Variants in PAPPA2 observed in about 807,000 individuals in gnomAD.
The protein encoded by PAPPA2 is pappalysin 2.
Under a neutral mutation model 176.4 loss-of-function variants are expected in PAPPA2, and 86 were observed. The observed-to-expected ratio is 0.49, with a 90% CI of 0.41 to 0.58. PAPPA2 has a LOEUF of 0.58. Among genes scored for constraint, PAPPA2 ranks in the 20% least tolerant of loss-of-function variants. PAPPA2 has a pLI of 0.00. For missense variants in PAPPA2, 2,073 were observed against 2,256.9 expected (o/e 0.92, Z 1.65); for synonymous variants, 809 against 852.2 (o/e 0.95, Z 0.88).
At position 176,690,400 on chromosome 1, in the gene PAPPA2, G is replaced by C. The variant is rs748663504; in HGVS notation, c.2401G>C (p.Ala801Pro). 1 of 1,614,112 alleles carries C rather than the reference G, an allele frequency of 6.2e-7. No homozygotes were observed. Among genetic ancestry groups the C allele is most frequent in the South Asian group, 1.1e-5 (1 of 91,080 alleles). Residue 801 changes from alanine to proline, a missense_variant, in exon 5 of 23, where the codon GCT becomes CCT. Ala to Pro is a conservative substitution (Grantham distance 27). This residue lies in a region of PAPPA2 where 1,196 missense variants were observed against 1,330.4 expected (regional missense o/e 0.90). Coordinates refer to ENST00000367662, the MANE Select transcript of PAPPA2 (RefSeq NM_020318.3). Reference sequence around the variant, plus strand: ...CTGTGGCTTCACTCGCTTCCCAGGGGCTCCGTTCACCAACTACATGAGCTA... The same window carrying C: ...CTGTGGCTTCACTCGCTTCCCAGGGCCTCCGTTCACCAACTACATGAGCTA... ...DTCGFTRFPG[A>P]PFTNYMSYTD...
Position 176,523,799 on chromosome 1 carries a change from G to C in PAPPA2, c.-916-31608G>C, listed in dbSNP as rs1362652741. 2.0e-5 allele frequency among the ~76,000 whole-genome samples: 3 copies of C among 152,300 alleles called. No homozygotes were observed. In the East Asian group the frequency reaches 5.8e-4, roughly 29 times the overall value. Reference sequence around the variant, plus strand: ...GCAAAGTTGATGCCCCTGTGGAAATGGGAGCTGTAACTGAATCAGAGACAT... The same window carrying C: ...GCAAAGTTGATGCCCCTGTGGAAATCGGAGCTGTAACTGAATCAGAGACAT... On this transcript the variant is annotated intron_variant, in intron 1 of 22. Coordinates refer to ENST00000367662, the MANE Select transcript of PAPPA2 (RefSeq NM_020318.3).
At position 176,556,141 on chromosome 1, in the gene PAPPA2, G is replaced by A; in HGVS notation, c.-182G>A. The A allele has an allele frequency of 2.9e-6, 2 of 689,192 alleles. No homozygotes were observed. Among genetic ancestry groups the A allele is most frequent in the Non-Finnish European group, 2.4e-6 (1 of 415,642 alleles). The allele number at this position is 689,192 out of a possible 1,614,324, so 42.7% of individuals were successfully genotyped here. A position where few individuals can be genotyped will look rare whatever the true frequency, so the allele number is the denominator to read the frequency against. On this transcript the variant is annotated 5_prime_UTR_variant, in exon 2 of 23. Coordinates refer to ENST00000367662, the MANE Select transcript of PAPPA2 (RefSeq NM_020318.3). ...GGCATAGAAGCCACACTGGCAGAGC[G>A]GCCAGCACAGGTAGCCAGCAGAGGC...
At chr1:176,479,536 GA>G (rs761753170) in intron 1 of PAPPA2, among the ~76,000 whole-genome samples, 20 of 152,188 alleles carry the variant, frequency 1.3e-4, no homozygotes, top group Admixed American at 7.9e-4. Flanking sequence ...GTTTAGGGAG[GA>G]GACAGTGTGA....
At chr1:176,827,193 C>A (rs1428447460) in intron 21 of PAPPA2, among the ~76,000 whole-genome samples, 1 of 152,186 alleles carries the variant, frequency 6.6e-6, no homozygotes, top group Non-Finnish European at 1.5e-5. Flanking sequence ...TTGGTCCTGG[C>A]CCTTCCAGTT....
At chr1:176,631,986 G>A (rs924683328) in intron 3 of PAPPA2, among the ~76,000 whole-genome samples, 1 of 152,076 alleles carries the variant, frequency 6.6e-6, no homozygotes. Flanking sequence ...AGAGGATGAT[G>A]GAGATGTTTG....
At chr1:176,666,287 T>A (rs1430986133) in intron 3 of PAPPA2, among the ~76,000 whole-genome samples, 3 of 152,026 alleles carry the variant, frequency 2.0e-5, no homozygotes, top group African/African-American at 4.8e-5. Context: ...AATGATTTTT[T>A]AAAAAAATTT....
intron 3 of PAPPA2, among the ~76,000 whole-genome samples, chr1:176,619,923 T>C (rs1655489332): frequency 1.3e-5 from 2 of 152,210 alleles, no homozygotes; most frequent in African/African-American, 2.4e-5. Flanking sequence ...GAAGGGAGTA[T>C]GGTGTATTGA....
chr1:176,827,431 A>C (rs1224711475), intron 21 of PAPPA2, among the ~76,000 whole-genome samples: 2 of 152,186 alleles, frequency 1.3e-5, no homozygotes, highest in African/African-American at 4.8e-5. Flanking sequence ...ATGTCAGCTT[A>C]TATTTGGCCT....
rs371719651 is a variant in PAPPA2, at chr1:176,473,167, A to G, written c.-917+9749A>G. Among the ~76,000 whole-genome samples, 17 of 152,248 alleles carry G rather than the reference A, an allele frequency of 1.1e-4. No individual in the cohort carries two copies. In the East Asian group the frequency reaches 2.3e-3, roughly 21 times the overall value. ...AATTTCACTGCCTTAAAAATTCTCTATGCTCCACCTATTCATCCTTCCCTC... is the reference window on the plus strand; with the variant it reads ...AATTTCACTGCCTTAAAAATTCTCTGTGCTCCACCTATTCATCCTTCCCTC... On this transcript the variant is annotated intron_variant, in intron 1 of 22. Coordinates refer to ENST00000367662, the MANE Select transcript of PAPPA2 (RefSeq NM_020318.3).
chr1:176,770,098 T>C (rs1664156195), intron 16 of PAPPA2, among the ~76,000 whole-genome samples: 1 of 152,180 alleles, frequency 6.6e-6, no homozygotes, highest in Admixed American at 6.5e-5. Context: ...CAAGATACAC[T>C]TTATTGTGCA....
intron 1 of PAPPA2, among the ~76,000 whole-genome samples, chr1:176,475,023 G>C (rs966401870): frequency 5.0e-4 from 76 of 152,258 alleles, no homozygotes; most frequent in African/African-American, 1.8e-3. Flanking sequence ...AATATAAGTG[G>C]TGGTCATTGT....
chr1:176,816,746 A>C (rs571284295), intron 21 of PAPPA2, among the ~76,000 whole-genome samples: 2 of 152,220 alleles, frequency 1.3e-5, no homozygotes, highest in Admixed American at 1.3e-4. Flanking sequence ...ATGCTTGGTG[A>C]CCAGTGTGCT....
At chr1:176,805,167 G>C (rs1189699546) in intron 21 of PAPPA2, among the ~76,000 whole-genome samples, 1 of 150,778 alleles carries the variant, frequency 6.6e-6, no homozygotes, top group Non-Finnish European at 1.5e-5. Context: ...CACAATCCTA[G>C]ATTCTACTTA....
At chr1:176,529,128 A>C (rs1025859795) in intron 1 of PAPPA2, among the ~76,000 whole-genome samples, 2 of 152,188 alleles carry the variant, frequency 1.3e-5, no homozygotes, top group African/African-American at 4.8e-5. Context: ...TGGAAGAATT[A>C]AGGAGAAAAG....
intron 1 of PAPPA2, among the ~76,000 whole-genome samples, chr1:176,538,593 C>T (rs945886252): frequency 4.6e-5 from 7 of 152,160 alleles, no homozygotes; most frequent in African/African-American, 1.2e-4. Context: ...AGAAATGGAA[C>T]GTATAACCTT....
chr1:176,526,150 T>C (rs1649490356), intron 1 of PAPPA2, among the ~76,000 whole-genome samples: 1 of 152,166 alleles, frequency 6.6e-6, no homozygotes, highest in Non-Finnish European at 1.5e-5. Flanking sequence ...GAAAAGAAAA[T>C]GGTCTCTGGA....
intron 17 of PAPPA2, among the ~76,000 whole-genome samples, chr1:176,785,871 G>C (rs972961064): frequency 2.0e-5 from 3 of 152,208 alleles, no homozygotes; most frequent in African/African-American, 7.2e-5. Flanking sequence ...TTCCATGGTT[G>C]AAGTATTCCA....
chr1:176,769,367 C>T (rs1475638367), intron 15 of PAPPA2, among the ~76,000 whole-genome samples: 1 of 152,130 alleles, frequency 6.6e-6, no homozygotes, highest in Non-Finnish European at 1.5e-5. Context: ...CAGAGCTGGC[C>T]TGGAGGAGTC....
At chr1:176,802,775 T>C (rs1226052524) in intron 21 of PAPPA2, among the ~76,000 whole-genome samples, 4 of 152,222 alleles carry the variant, frequency 2.6e-5, no homozygotes, top group African/African-American at 9.6e-5. Flanking sequence ...TCAGCCCATA[T>C]TGCCCTTCAT....
Sources: allele counts gnomAD v4.1 joint callset (sites outside exome capture counted in the v4.1 genomes callset), GRCh38; gene constraint gnomAD v4.1.1; regional missense constraint gnomAD v4.1.1; transcripts MANE v1.5; gene names NCBI Gene and HGNC (gene_info 2026-07-23, HGNC 2026-07-21).